RABGAP1L: variants seen among roughly 807,000 people sequenced by gnomAD.
RABGAP1L encodes rab GTPase-activating protein 1-like.
Under a neutral mutation model 137.7 loss-of-function variants are expected in RABGAP1L, and 63 were observed. The observed-to-expected ratio is 0.46, with a 90% CI of 0.37 to 0.56. RABGAP1L has a LOEUF of 0.56. Among genes scored for constraint, RABGAP1L ranks in the 20% least tolerant of loss-of-function variants. The pLI is 0.00. For missense variants in RABGAP1L, 1,095 were observed against 1,244.0 expected (o/e 0.88, Z 1.80); for synonymous variants, 431 against 433.7 (o/e 0.99, Z 0.08).
At chr1:174,882,662 C>A (rs998996838) in intron 19 of RABGAP1L, among the ~76,000 whole-genome samples, 1 of 152,142 alleles carries the variant, frequency 6.6e-6, no homozygotes, top group African/African-American at 2.4e-5. Flanking sequence ...AAATCACAGA[C>A]CCCTTTACAT....
At chr1:174,519,411 C>G (rs369771663) in intron 13 of RABGAP1L, among the ~76,000 whole-genome samples, 1 of 151,938 alleles carries the variant, frequency 6.6e-6, no homozygotes, top group Non-Finnish European at 1.5e-5. Flanking sequence ...GTAGGCTGGG[C>G]GGCTAGGCCA....
chr1:174,724,470 C>A (rs1056187573), intron 17 of RABGAP1L, among the ~76,000 whole-genome samples: 1 of 152,198 alleles, frequency 6.6e-6, no homozygotes, highest in Non-Finnish European at 1.5e-5. Context: ...AAAAAGGGAG[C>A]AGCATATGCT....
At chr1:174,444,993 A>G (rs889437495) in intron 13 of RABGAP1L, among the ~76,000 whole-genome samples, 13 of 152,082 alleles carry the variant, frequency 8.5e-5, no homozygotes, top group Admixed American at 3.3e-4. Flanking sequence ...TATACTTACT[A>G]TCTCTACTAT....
At chr1:174,812,989 A>G (rs1690033173) in intron 19 of RABGAP1L, among the ~76,000 whole-genome samples, 2 of 152,168 alleles carry the variant, frequency 1.3e-5, no homozygotes, top group Non-Finnish European at 2.9e-5. Flanking sequence ...ATGAAATGGG[A>G]GTAGTAGGAA....
chr1:174,665,130 A>C (rs535500904), intron 14 of RABGAP1L, among the ~76,000 whole-genome samples: 151 of 152,294 alleles, frequency 9.9e-4, no homozygotes, highest in African/African-American at 3.4e-3. Flanking sequence ...TTGGCATTTT[A>C]TAGTTAGGTT....
At chr1:174,639,160 G>A (rs1329762602) in intron 14 of RABGAP1L, among the ~76,000 whole-genome samples, 1 of 151,646 alleles carries the variant, frequency 6.6e-6, no homozygotes, top group Non-Finnish European at 1.5e-5. Flanking sequence ...TCACACTCCT[G>A]TCTCTTTTTT....
chr1:174,384,312 A>T (rs1250886181), intron 12 of RABGAP1L, among the ~76,000 whole-genome samples: 1 of 152,178 alleles, frequency 6.6e-6, no homozygotes, highest in African/African-American at 2.4e-5. Flanking sequence ...TATGGGGGGA[A>T]TGAGGGAACT....
At chr1:174,308,423 G>C (rs926044046) in intron 11 of RABGAP1L, among the ~76,000 whole-genome samples, 9 of 151,690 alleles carry the variant, frequency 5.9e-5, no homozygotes, top group African/African-American at 1.9e-4. Context: ...TGTTCCTTTT[G>C]CTTTTGGGGT....
chr1:174,256,551 G>A (rs961348675), intron 7 of RABGAP1L, among the ~76,000 whole-genome samples: 4 of 152,204 alleles, frequency 2.6e-5, no homozygotes, highest in African/African-American at 7.2e-5. Flanking sequence ...GGGAGGCCGA[G>A]GCGGGCAGAT....
Position 174,365,515 on chromosome 1 carries a change from C to T in RABGAP1L, c.1466-5464C>T, listed in dbSNP as rs147103429. ...TGAGCAACTCAAGTTCCATCTGCTG[C>T]GATGGATGTTTCCCTGCTGGCTAGG... On this transcript the variant is annotated intron_variant, in intron 11 of 25. Coordinates refer to ENST00000681986, the MANE Select transcript of RABGAP1L (RefSeq NM_001366446.1). Among the ~76,000 whole-genome samples the T allele has an allele frequency of 1.8e-4, 28 of 152,166 alleles. 1 individual carries two copies. Among genetic ancestry groups the T allele is most frequent in the African/African-American group, 6.0e-4 (25 of 41,520 alleles).
intron 11 of RABGAP1L, among the ~76,000 whole-genome samples, chr1:174,306,160 A>G (rs1220639140): frequency 1.3e-5 from 2 of 152,270 alleles, no homozygotes; most frequent in East Asian, 1.9e-4. Flanking sequence ...AATCCAGTCT[A>G]TCATTGTTGG....
intron 11 of RABGAP1L, among the ~76,000 whole-genome samples, chr1:174,320,266 C>T (rs543276680): frequency 1.3e-5 from 2 of 152,262 alleles, no homozygotes; most frequent in East Asian, 1.9e-4. Context: ...ACTTGTGGTT[C>T]CTGGCAACCA....
intron 1 of RABGAP1L, among the ~76,000 whole-genome samples, chr1:174,210,593 A>T (rs1406009030): frequency 6.6e-6 from 1 of 152,220 alleles, no homozygotes; most frequent in Non-Finnish European, 1.5e-5. Context: ...TGCCTACAGG[A>T]TCTAGAACAT....
chr1:174,185,022 C>T (rs926315879), intron 1 of RABGAP1L, among the ~76,000 whole-genome samples: 1 of 152,142 alleles, frequency 6.6e-6, no homozygotes, highest in Admixed American at 6.5e-5. Flanking sequence ...GTTGTGGTGG[C>T]AACCCTTCCC....
intron 19 of RABGAP1L, among the ~76,000 whole-genome samples, chr1:174,851,327 G>A (rs535041925): frequency 6.6e-6 from 1 of 152,202 alleles, no homozygotes; most frequent in Non-Finnish European, 1.5e-5. Flanking sequence ...TGCAGAGCCG[G>A]TGGAACAGTG....
intron 10 of RABGAP1L, among the ~76,000 whole-genome samples, chr1:174,282,811 C>T (rs1480716943): frequency 1.3e-5 from 2 of 152,098 alleles, no homozygotes; most frequent in East Asian, 1.9e-4. Context: ...TCTTCCCACA[C>T]CTCTCTCATG....
At chr1:174,632,645 A>C (rs1003959542) in intron 13 of RABGAP1L, among the ~76,000 whole-genome samples, 4 of 149,472 alleles carry the variant, frequency 2.7e-5, no homozygotes, top group Admixed American at 1.3e-4. Flanking sequence ...CATTCATTTC[A>C]TCTTCCATCA....
At chr1:174,174,534 C>A (rs924465393) in intron 1 of RABGAP1L, among the ~76,000 whole-genome samples, 13 of 152,082 alleles carry the variant, frequency 8.5e-5, no homozygotes, top group Non-Finnish European at 1.9e-4. Flanking sequence ...CTAGGGAAAC[C>A]AGTAGCTCAT....
At chr1:174,884,775 A>C (rs1389304177) in intron 19 of RABGAP1L, among the ~76,000 whole-genome samples, 1 of 152,216 alleles carries the variant, frequency 6.6e-6, no homozygotes, top group African/African-American at 2.4e-5. Flanking sequence ...TTGCCATCTA[A>C]TTAAAACTTC....
Sources: allele counts gnomAD v4.1 joint callset (sites outside exome capture counted in the v4.1 genomes callset), GRCh38; gene constraint gnomAD v4.1.1; transcripts MANE v1.5; gene names NCBI Gene and HGNC (gene_info 2026-07-23, HGNC 2026-07-21).